Variants in TEX11 observed in about 807,000 individuals in gnomAD.
The protein encoded by TEX11 is testis expressed 11, also known as testis-expressed protein 11.
In TEX11, 7 loss-of-function variants were observed where a neutral mutation model predicts 84.4. The observed-to-expected ratio is 0.08, with a 90% CI of 0.05 to 0.16. The LOEUF (loss-of-function observed/expected upper bound fraction) is 0.16. TEX11 is among the 10% of genes least tolerant of loss of function. The pLI is 1.00. For missense variants in TEX11, 551 were observed against 660.5 expected (o/e 0.83, Z 1.82); for synonymous variants, 264 against 222.8 (o/e 1.18, Z -1.64).
chrX:70,682,906 T>C, intron 13 of TEX11, 81 bp from the exon 14 acceptor site: 1 of 959,663 alleles, frequency 1.0e-6, no homozygotes, highest in East Asian at 3.2e-5. Context: ...TATTTCAGTG[T>C]GAGCAAAATA....
At chrX:70,801,596 C>A (rs945727811) in intron 9 of TEX11, among the ~76,000 whole-genome samples, 3 of 110,437 alleles carry the variant, frequency 2.7e-5, no homozygotes, top group Non-Finnish European at 3.8e-5. Flanking sequence ...TCTTTCCTTT[C>A]TTTTCTTTCT....
the TEX11 span, among the ~76,000 whole-genome samples, chrX:70,519,449 C>T: frequency 1.8e-5 from 2 of 112,347 alleles, no homozygotes; most frequent in Non-Finnish European, 3.8e-5. Flanking sequence ...CCCCCACTCT[C>T]TTCTGGCTTG....
At chrX:70,808,107 CAAAAAAAAAAAAAAAAAAAA>C (rs549201546) in intron 8 of TEX11, among the ~76,000 whole-genome samples, 3 of 32,614 alleles carry the variant, frequency 9.2e-5, no homozygotes, top group South Asian at 3.1e-3. Flanking sequence ...GACTCTGTCT[CAAAAAAAAAAAAAAAAAAAA>C]AAAAAAAAAA....
rs996795407 is a variant in TEX11, at chrX:70,853,253, C to A, written c.400G>T (p.Val134Leu). ...LIADECFQAA[V>L]ASLEQLYVKL... is the part of the protein sequence containing the mutation. ...AAAAGTCAATGGTAACTTACGGCCA[C>A]AGCAGCTTGAAAACATTCATCAGCG... Residue 134 changes from valine to leucine, a missense_variant, in exon 6 of 30, where the codon GTG (valine) becomes TTG (leucine). Physicochemically the swap from Val to Leu is conservative, Grantham distance 32. Transcript: ENST00000374333. 5.0e-6 allele frequency: 6 copies of A among 1,208,716 alleles called. No homozygotes were observed. Among genetic ancestry groups the A allele is most frequent in the Non-Finnish European group, 3.4e-6 (3 of 893,933 alleles).
intron 9 of TEX11, among the ~76,000 whole-genome samples, chrX:70,774,676 A>T (rs2090990978): frequency 9.0e-6 from 1 of 111,681 alleles, no homozygotes; most frequent in Non-Finnish European, 1.9e-5. Context: ...CTCTACAAGT[A>T]GAACTAAAAA....
chrX:70,774,284 A>C (rs1387100077), intron 9 of TEX11, among the ~76,000 whole-genome samples: 2 of 109,889 alleles, frequency 1.8e-5, no homozygotes, highest in Admixed American at 2.0e-4. Context: ...AAAAAAAAAA[A>C]AAAAACTGGA....
At chrX:70,821,900 A>T (rs1452798325) in intron 8 of TEX11, among the ~76,000 whole-genome samples, 2 of 111,475 alleles carry the variant, frequency 1.8e-5, no homozygotes, top group Non-Finnish European at 3.8e-5. Flanking sequence ...TGATATAGCC[A>T]TTTCACTTCT....
chrX:70,756,979 G>C (rs2090871857), intron 9 of TEX11, among the ~76,000 whole-genome samples: 1 of 112,245 alleles, frequency 8.9e-6, no homozygotes, highest in African/African-American at 3.2e-5. Context: ...ACATGCACAA[G>C]CTTTGATAGC....
rs150412971 is a variant in TEX11 at position 70,619,258 on chromosome X, T to C, written c.1751+4692A>G. Among the ~76,000 whole-genome samples, 331 of 111,817 alleles carry C rather than the reference T, an allele frequency of 3.0e-3. 1 individual carries two copies. Among genetic ancestry groups the C allele is most frequent in the African/African-American group, 0.01 (308 of 30,785 alleles). On this transcript the variant is annotated intron_variant, in intron 20 of 29. Transcript: ENST00000374333. ...TATTTTTAAATCTTTATGTCAGAATTCCTAAGGGCCTCTTGGGGGCAGGGT... is the reference window on the plus strand; with the variant it reads ...TATTTTTAAATCTTTATGTCAGAATCCCTAAGGGCCTCTTGGGGGCAGGGT...
intron 25 of TEX11, among the ~76,000 whole-genome samples, chrX:70,573,522 G>C (rs749277740): frequency 3.3e-4 from 37 of 111,314 alleles, no homozygotes; most frequent in African/African-American, 1.2e-3. Context: ...AGCTCCAATT[G>C]CCTTTTCTTT....
chrX:70,540,376 C>A (rs975539492), intron 28 of TEX11, among the ~76,000 whole-genome samples: 1 of 111,999 alleles, frequency 8.9e-6, no homozygotes, highest in Non-Finnish European at 1.9e-5. Context: ...TCACTACCAT[C>A]CATCTCCAGA....
At chrX:70,688,573 T>C (rs768112269) in intron 13 of TEX11, among the ~76,000 whole-genome samples, 1 of 108,676 alleles carries the variant, frequency 9.2e-6, no homozygotes, top group African/African-American at 3.3e-5. Context: ...GTAAGAAAAA[T>C]AGAGAGTGAA....
rs2091221192 is a variant in TEX11 at position 70,806,624 on chromosome X, G to C, written c.692+81C>G. 4 of 671,062 alleles carry C rather than the reference G, an allele frequency of 6.0e-6. No individual in the cohort carries two copies. In the East Asian group the frequency reaches 1.5e-4, roughly 25 times the overall value. The allele number at this position is 671,062 out of a possible 1,213,427, so 55.3% of individuals were successfully genotyped here. A position where few individuals can be genotyped will look rare whatever the true frequency, so the allele number is the denominator to read the frequency against. ...TCTGAAGTCAGAGAAGGTTTAAACT[G>C]CCAAAGTACTCTACAGTAAATATTA... On this transcript the variant is annotated intron_variant, in intron 9 of 29. Transcript: ENST00000374333.
At chrX:70,802,146 C>CCCTGTTCCTTA (rs1460616900) in intron 9 of TEX11, among the ~76,000 whole-genome samples, 18 of 111,207 alleles carry the variant, frequency 1.6e-4, no homozygotes, top group Non-Finnish European at 2.6e-4. Flanking sequence ...TGTTAAGGAA[C>CCCTGTTCCTTA]AGGGGCACAA....
intron 18 of TEX11, among the ~76,000 whole-genome samples, chrX:70,627,608 TG>T (rs1003794313): frequency 3.6e-5 from 4 of 111,648 alleles, no homozygotes; most frequent in Non-Finnish European, 7.5e-5. Context: ...GAATGAATTT[TG>T]TAAAGGGATT....
At chrX:70,703,300 T>A (rs1269570678) in intron 13 of TEX11, among the ~76,000 whole-genome samples, 6 of 111,742 alleles carry the variant, frequency 5.4e-5, no homozygotes, top group Non-Finnish European at 1.1e-4. Context: ...TCTCTTGTAA[T>A]CTGACAACAA....
chrX:70,860,494 TA>T (rs1190923528), intron 5 of TEX11, among the ~76,000 whole-genome samples: 1 of 111,666 alleles, frequency 9.0e-6, no homozygotes, highest in Admixed American at 9.6e-5. Flanking sequence ...CCCTTTTCCT[TA>T]TTTACTTAGT....
chrX:70,513,423 T>A, the TEX11 span, among the ~76,000 whole-genome samples: 1 of 105,263 alleles, frequency 9.5e-6, no homozygotes, highest in Non-Finnish European at 1.9e-5. Context: ...TGAAATGAAA[T>A]ATATATATAA....
At chrX:70,824,007 G>A (rs2091331948) in intron 8 of TEX11, among the ~76,000 whole-genome samples, 3 of 111,420 alleles carry the variant, frequency 2.7e-5, no homozygotes, top group Admixed American at 9.6e-5. Flanking sequence ...GCGACATAGT[G>A]AGATTCCATC....
Sources: gnomAD v4.1 joint callset for allele counts (sites outside exome capture counted in the v4.1 genomes callset) on GRCh38, gnomAD v4.1.1 for gene constraint, MANE v1.5 for transcripts, NCBI Gene and HGNC (gene_info 2026-07-23, HGNC 2026-07-21) for gene names.